Variants in SCAPER observed in about 807,000 individuals in gnomAD.
The protein encoded by SCAPER is S phase cyclin A-associated protein in the endoplasmic reticulum.
Under a neutral mutation model 182.2 loss-of-function variants are expected in SCAPER, and 98 were observed. The ratio of observed to expected loss-of-function variants is 0.54; its 90% CI spans 0.46 to 0.64. The LOEUF is 0.64. SCAPER is among the 30% of genes least tolerant of loss of function. The probability of loss-of-function intolerance (pLI) is 0.00; values close to 1 mark genes in which losing one functional copy is unlikely to be tolerated. For missense variants in SCAPER, 1,432 were observed against 1,690.0 expected (o/e 0.85, Z 2.68); for synonymous variants, 605 against 564.6 (o/e 1.07, Z -1.01).
chr15:76,463,153 T>A (rs1172873522), intron 25 of SCAPER, among the ~76,000 whole-genome samples: 1 of 152,158 alleles, frequency 6.6e-6, no homozygotes, highest in Non-Finnish European at 1.5e-5. Flanking sequence ...GTCCTAGATA[T>A]GCTGAGCAAG....
At chr15:76,723,648 G>A (rs1205116027) in intron 17 of SCAPER, among the ~76,000 whole-genome samples, 1 of 152,068 alleles carries the variant, frequency 6.6e-6, no homozygotes, top group Non-Finnish European at 1.5e-5. Context: ...AGGATAGTTA[G>A]TTCTTGTTGA....
chr15:76,349,528 G>A (rs2040396473), intron 31 of SCAPER: 2 of 151,990 alleles, frequency 1.3e-5, no homozygotes, highest in South Asian at 4.1e-4. Context: ...ATTACCAAGA[G>A]CTGCTTTTAT....
In SCAPER at chr15:76,657,084, T is replaced by G. The variant is rs187860620; in HGVS notation, c.2645+8569A>C. Among the ~76,000 whole-genome samples the G allele has an allele frequency of 7.2e-5, 11 of 152,140 alleles. No individual in the cohort carries two copies. In the East Asian group the frequency reaches 1.9e-3, roughly 27 times the overall value. On this transcript the variant is annotated intron_variant, in intron 21 of 31. Transcript: ENST00000563290. ...AGAAAACTGAGATGAGAAAAAATCATGCAAATGACCAACAAATCCAAGAGT... is the reference window on the plus strand; with the variant it reads ...AGAAAACTGAGATGAGAAAAAATCAGGCAAATGACCAACAAATCCAAGAGT...
intron 2 of SCAPER, among the ~76,000 whole-genome samples, chr15:76,878,524 T>C (rs962137561): frequency 3.3e-5 from 5 of 152,020 alleles, no homozygotes; most frequent in Non-Finnish European, 7.4e-5. Flanking sequence ...ATTCAAAAGA[T>C]GGTATTAAAA....
At chr15:76,881,514 T>C (rs917833298) in intron 2 of SCAPER, among the ~76,000 whole-genome samples, 1 of 152,184 alleles carries the variant, frequency 6.6e-6, no homozygotes, top group African/African-American at 2.4e-5. Flanking sequence ...CGTAATATAT[T>C]ATTATTATTT....
chr15:76,728,838 T>C (rs1238614694), intron 16 of SCAPER, 101 bp from the exon 17 acceptor site: 7 of 1,269,744 alleles, frequency 5.5e-6, no homozygotes, highest in Non-Finnish European at 4.3e-6. Flanking sequence ...TCAAGCCAAG[T>C]AGAAACATGG....
intron 23 of SCAPER, among the ~76,000 whole-genome samples, chr15:76,525,788 T>A (rs1052504166): frequency 1.3e-5 from 2 of 152,216 alleles, no homozygotes; most frequent in African/African-American, 2.4e-5. Flanking sequence ...ATTCCATGTC[T>A]TTACTATTGT....
At chr15:76,727,638 G>A (rs184989520) in intron 17 of SCAPER, among the ~76,000 whole-genome samples, 1 of 152,078 alleles carries the variant, frequency 6.6e-6, no homozygotes, top group East Asian at 1.9e-4. Context: ...TTTGAAGAAT[G>A]TCTTATGACT....
At chr15:76,587,728 A>G (rs549331845) in intron 22 of SCAPER, among the ~76,000 whole-genome samples, 10 of 152,140 alleles carry the variant, frequency 6.6e-5, no homozygotes, top group Non-Finnish European at 1.3e-4. Context: ...ATAAATTTCC[A>G]TACAACTGAT....
chr15:76,777,940 A>G (rs528485465), intron 8 of SCAPER, among the ~76,000 whole-genome samples: 1 of 152,322 alleles, frequency 6.6e-6, no homozygotes, highest in South Asian at 2.1e-4. Context: ...AAGAGCCTAC[A>G]GTTGGGCAAA....
intron 16 of SCAPER, among the ~76,000 whole-genome samples, chr15:76,731,699 A>C (rs1449375559): frequency 6.6e-6 from 1 of 152,220 alleles, no homozygotes; most frequent in Non-Finnish European, 1.5e-5. Context: ...AGTATATCTC[A>C]AGCATATGTA....
At chr15:76,793,361 C>A in intron 8 of SCAPER, 1 of 676,646 alleles carries the variant, frequency 1.5e-6, no homozygotes, top group Admixed American at 2.4e-5. Flanking sequence ...GGCTGGCAGC[C>A]CCTAGGTGGC....
rs2045243583 is a variant in SCAPER, at chr15:76,545,931, G to C, written c.2838+28227C>G. Among the ~76,000 whole-genome samples the C allele has an allele frequency of 2.0e-5, 3 of 152,074 alleles. No individual in the cohort carries two copies. The South Asian group carries it at 6.2e-4, about 31-fold the overall frequency. The stretch of plus-strand genomic sequence containing the variant: ...AAGGCAAAAAACAGACATAAAAAAA[G>C]ACATCTCCCATCCCCTAAAAAAATA... On this transcript the variant is annotated intron_variant, in intron 23 of 31. Coordinates refer to ENST00000563290, the MANE Select transcript of SCAPER (RefSeq NM_020843.4).
At chr15:76,473,785 T>C (rs544760720) in intron 24 of SCAPER, among the ~76,000 whole-genome samples, 34 of 152,176 alleles carry the variant, frequency 2.2e-4, no homozygotes, top group Admixed American at 9.2e-4. Context: ...GGATCACCTG[T>C]AGTTTTATTT....
At chr15:76,766,532 T>G (rs1292200807) in intron 11 of SCAPER, among the ~76,000 whole-genome samples, 1 of 151,918 alleles carries the variant, frequency 6.6e-6, no homozygotes. Flanking sequence ...GAGACGGGGT[T>G]TTGCTATGTT....
chr15:76,419,933 T>C (rs1265814195), intron 26 of SCAPER, among the ~76,000 whole-genome samples: 1 of 152,126 alleles, frequency 6.6e-6, no homozygotes, highest in Non-Finnish European at 1.5e-5. Flanking sequence ...AAAAAGATCA[T>C]TCACTGTAAT....
intron 23 of SCAPER, among the ~76,000 whole-genome samples, chr15:76,567,902 T>C (rs1428058481): frequency 3.3e-5 from 5 of 152,244 alleles, no homozygotes; most frequent in African/African-American, 4.8e-5. Context: ...TTTCCCTTTA[T>C]TGTTAATTTC....
At chr15:76,567,065 A>C (rs958404109) in intron 23 of SCAPER, among the ~76,000 whole-genome samples, 16 of 152,052 alleles carry the variant, frequency 1.1e-4, no homozygotes, top group Admixed American at 6.6e-5. Flanking sequence ...TTTTCTTTAT[A>C]GTTTTACCAC....
At chr15:76,356,318 C>G (rs1438851489) in intron 29 of SCAPER, among the ~76,000 whole-genome samples, 2 of 152,134 alleles carry the variant, frequency 1.3e-5, no homozygotes, top group African/African-American at 4.8e-5. Flanking sequence ...GAAATGCAAA[C>G]AGCCTGACCT....
Sources: allele counts gnomAD v4.1 joint callset (sites outside exome capture counted in the v4.1 genomes callset), GRCh38; gene constraint gnomAD v4.1.1; transcripts MANE v1.5; gene names NCBI Gene and HGNC (gene_info 2026-07-23, HGNC 2026-07-21).